The following PACSIN2 variants were observed in gnomAD, a reference collection of about 807,000 sequenced individuals.
PACSIN2 encodes protein kinase C and casein kinase substrate in neurons protein 2.
Under a neutral mutation model 63.8 loss-of-function variants are expected in PACSIN2, and 25 were observed. The ratio of observed to expected loss-of-function variants is 0.39; its 90% CI spans 0.29 to 0.55. The LOEUF is 0.55. PACSIN2 is among the 20% of genes least tolerant of loss of function. The probability of loss-of-function intolerance (pLI) is 0.62; values close to 1 mark genes in which losing one functional copy is unlikely to be tolerated. For missense variants in PACSIN2, 518 were observed against 646.9 expected (o/e 0.80, Z 2.16); for synonymous variants, 255 against 256.2 (o/e 1.00, Z 0.05).
chr22:42,904,052 A>G (rs1045707904), intron 2 of PACSIN2, among the ~76,000 whole-genome samples: 2 of 152,230 alleles, frequency 1.3e-5, no homozygotes, highest in African/African-American at 4.8e-5. Flanking sequence ...ACAAAATAAA[A>G]AATAGATGAC....
chr22:42,927,985 A>C (rs2146766936), intron 1 of PACSIN2, among the ~76,000 whole-genome samples: 1 of 152,294 alleles, frequency 6.6e-6, no homozygotes, highest in South Asian at 2.1e-4. Flanking sequence ...GGTAGTCCTC[A>C]GGCGGAGCCC....
chr22:42,979,523 C>CAAAAAA (rs768725896), intron 1 of PACSIN2, among the ~76,000 whole-genome samples: 55 of 61,610 alleles, frequency 8.9e-4, no homozygotes, highest in African/African-American at 3.3e-3. Context: ...GACTCCCTCT[C>CAAAAAA]AAAAAAAAAA....
At chr22:43,013,790 A>G (rs764168509) in intron 1 of PACSIN2, among the ~76,000 whole-genome samples, 1 of 152,242 alleles carries the variant, frequency 6.6e-6, no homozygotes, top group African/African-American at 2.4e-5. Flanking sequence ...CAAGACAGCC[A>G]GGCAGTATTT....
chr22:42,871,513 C>T lies in PACSIN2; in HGVS notation c.1349-44G>A, dbSNP rs371661122. On this transcript the variant is annotated intron_variant, in intron 10 of 10. Transcript: ENST00000263246. This position sits in a 1 kb window ranked among gnomAD's most constrained non-coding sequence, Gnocchi z 5.4. ...GCCGTCTCCATGAGAGGTATGACAC[C>T]GACGGTGGGCTACAGAGCCGCATTC... The T allele has an allele frequency of 1.8e-4, 263 of 1,430,410 alleles. 4 individuals are homozygous for T. The South Asian group carries it at 2.4e-3, about 13-fold the overall frequency. The allele number at this position is 1,430,410 out of a possible 1,614,324, so 88.6% of individuals were successfully genotyped here.
At chr22:42,929,131 C>T (rs527741765) in intron 1 of PACSIN2, among the ~76,000 whole-genome samples, 5 of 152,352 alleles carry the variant, frequency 3.3e-5, no homozygotes, top group South Asian at 2.1e-4. Context: ...GCCTGACGGC[C>T]GCCCTGTGCA....
intron 1 of PACSIN2, among the ~76,000 whole-genome samples, chr22:42,922,413 T>A (rs80189793): frequency 1.4e-5 from 1 of 70,620 alleles, no homozygotes; most frequent in East Asian, 2.3e-4. Context: ...ACATTCTGAG[T>A]AAAAAGACCA....
chr22:42,978,584 AAAGCAGG>A (rs1465001994), intron 1 of PACSIN2, among the ~76,000 whole-genome samples: 1 of 152,192 alleles, frequency 6.6e-6, no homozygotes, highest in Non-Finnish European at 1.5e-5. Flanking sequence ...CACAGAGCAG[AAAGCAGG>A]AAGGTTTCCA....
At chr22:42,991,236 T>C (rs971869634) in intron 1 of PACSIN2, among the ~76,000 whole-genome samples, 1 of 152,172 alleles carries the variant, frequency 6.6e-6, no homozygotes, top group Non-Finnish European at 1.5e-5. Context: ...AATGAACTTG[T>C]GTTAACCCCT....
intron 3 of PACSIN2, among the ~76,000 whole-genome samples, chr22:42,892,177 G>T (rs1284933227): frequency 2.0e-5 from 3 of 152,246 alleles, no homozygotes; most frequent in Admixed American, 6.5e-5. Context: ...TTCTATTCAG[G>T]GGGTAGGGTG....
rs1018072006 is a variant in PACSIN2 at position 42,962,837 on chromosome 22, G to A, written c.-77-50680C>T. On this transcript the variant is annotated intron_variant, in intron 1 of 10. Transcript: ENST00000263246. Reference sequence around the variant, plus strand: ...TTGAACTGAATAGTAGTGGGACTAGGAAGTCATCAGACCAGATCTCCAGTG... The same window carrying A: ...TTGAACTGAATAGTAGTGGGACTAGAAAGTCATCAGACCAGATCTCCAGTG... Among the ~76,000 whole-genome samples, 20 of 151,934 alleles carry A rather than the reference G, an allele frequency of 1.3e-4. No homozygotes were observed. The South Asian group carries it at 2.5e-3, about 19-fold the overall frequency.
At chr22:42,878,770 A>C (rs1412006404) in intron 8 of PACSIN2, among the ~76,000 whole-genome samples, 1 of 152,194 alleles carries the variant, frequency 6.6e-6, no homozygotes. Context: ...CTCCCCACTC[A>C]GGTCTGAAGC....
chr22:42,894,925 G>A (rs552018489), intron 2 of PACSIN2, among the ~76,000 whole-genome samples: 1 of 143,938 alleles, frequency 6.9e-6, no homozygotes, highest in Admixed American at 7.4e-5. Context: ...ATGGGCAAGG[G>A]GAGGGAAGGG....
rs75943090 is a variant in PACSIN2, at chr22:42,949,459, C to T, written c.-77-37302G>A. ...CAACGTTAAGCCTCATACACACACG[C>T]GCGCGCACGCACACACACACACATT... On this transcript the variant is annotated intron_variant, in intron 1 of 10. Coordinates refer to ENST00000263246, the MANE Select transcript of PACSIN2 (RefSeq NM_001184970.3). Among the ~76,000 whole-genome samples the T allele has an allele frequency of 4.5e-3, 664 of 147,400 alleles. 3 individuals are homozygous for T. The highest frequency in any genetic ancestry group is 0.017 in the African/African-American group (625 of 36,888).
At position 42,871,593 on chromosome 22, in the gene PACSIN2, C is replaced by T; in HGVS notation, c.1349-124G>A. On this transcript the variant is annotated intron_variant, in intron 10 of 10. Transcript: ENST00000263246. This position sits in a 1 kb window ranked among gnomAD's most constrained non-coding sequence, Gnocchi z 5.4. ...GCCAGGCATTCTGTGGCGGGCAGGC[C>T]GAGGGCCTGGTCATTTCTCTACTAA... 2.6e-6 allele frequency: 2 copies of T among 758,660 alleles called. No individual in the cohort carries two copies. Among genetic ancestry groups the T allele is most frequent in the Non-Finnish European group, 4.6e-6 (2 of 431,334 alleles). 47.0% of individuals were successfully genotyped at this position (758,660 alleles called of 1,614,324 possible).
rs561525875 is a variant in PACSIN2, at chr22:42,993,058, C to CGGGAGCT, written c.-78+21956_-78+21962dup. ...GCATGCACTTATAGTCCCAGCTACT[C>CGGGAGCT]GGGAGCTGGGAGCTGGGAAGCAGGA... On this transcript the variant is annotated intron_variant, in intron 1 of 10. Coordinates refer to ENST00000263246, the MANE Select transcript of PACSIN2 (RefSeq NM_001184970.3). Among the ~76,000 whole-genome samples the CGGGAGCT allele has an allele frequency of 2.5e-3, 380 of 151,950 alleles. 4 individuals carry two copies. The highest frequency in any genetic ancestry group is 8.7e-3 in the African/African-American group (360 of 41,440).
chr22:42,893,623 A>G lies in PACSIN2; in HGVS notation c.61-10T>C. Reference sequence around the variant, plus strand: ...GCTTGTAGTTCCCGACCTAGGAGAGAGAACCAGCTGGGAGGCAGGGGGCTT... The same window carrying G: ...GCTTGTAGTTCCCGACCTAGGAGAGGGAACCAGCTGGGAGGCAGGGGGCTT... On this transcript the variant is annotated splice_polypyrimidine_tract_variant and intron_variant, in intron 2 of 10. Transcript: ENST00000263246. The G allele has an allele frequency of 6.2e-7, 1 of 1,610,072 alleles. No individual in the cohort carries two copies. Among genetic ancestry groups the G allele is most frequent in the Non-Finnish European group, 8.5e-7 (1 of 1,176,798 alleles).
At chr22:42,945,350 C>T (rs1231682026) in intron 1 of PACSIN2, among the ~76,000 whole-genome samples, 7 of 152,178 alleles carry the variant, frequency 4.6e-5, no homozygotes, top group Non-Finnish European at 8.8e-5. Context: ...TGGCTGCTGG[C>T]GCTCCCCAGG....
At chr22:42,961,281 T>C (rs141395971) in intron 1 of PACSIN2, among the ~76,000 whole-genome samples, 2 of 152,316 alleles carry the variant, frequency 1.3e-5, no homozygotes, top group African/African-American at 4.8e-5. Context: ...TAAAAATCTC[T>C]TTTGAAAATC....
In PACSIN2 at chr22:42,890,964, C is replaced by A; in HGVS notation, c.436G>T (p.Ala146Ser). Residue 146 changes from alanine (A) to serine (S), a missense_variant, in exon 4 of 11, where the codon GCC becomes TCC. Ala to Ser is a moderately conservative substitution (Grantham distance 99). Around this residue, in one of 2 missense-constraint regions of PACSIN2, gnomAD observed 507 missense variants for 612.3 expected, o/e 0.83. Coordinates refer to ENST00000263246, the MANE Select transcript of PACSIN2 (RefSeq NM_001184970.3). ...DGFRKAQKPW[A>S]KKLKEVEAAK... ...AGATGTACCTCTTTCAGCTTCTTGG[C>A]CCAGGGCTTCTGTGCCTTCCGAAAG... is the stretch of plus-strand genomic sequence containing the variant. 1 of 1,614,042 alleles carries A rather than the reference C, an allele frequency of 6.2e-7. No individual in the cohort carries two copies.
Sources: gnomAD v4.1 joint callset for allele counts (sites outside exome capture counted in the v4.1 genomes callset) on GRCh38, gnomAD v4.1.1 for gene constraint, gnomAD v4.1.1 regional missense constraint, Gnocchi (gnomAD v3.1) non-coding constraint, MANE v1.5 for transcripts, NCBI Gene and HGNC (gene_info 2026-07-23, HGNC 2026-07-21) for gene names.